UNC79: variants seen among roughly 807,000 people sequenced by gnomAD.
The protein encoded by UNC79 is unc-79 subunit of NALCN channel complex.
A neutral mutation model predicts 283.1 loss-of-function variants in UNC79; 37 were observed. The ratio of observed to expected loss-of-function variants is 0.13; its 90% CI spans 0.10 to 0.17. The LOEUF is 0.17. UNC79 is among the 10% of genes least tolerant of loss of function. The pLI is 1.00. For synonymous variants in UNC79, 1,107 were observed against 1,200.2 expected, an observed-to-expected ratio of 0.92 and a Z score of 1.61; for missense variants, 2,272 against 3,211.1, an observed-to-expected ratio of 0.71 and a Z score of 7.07.
At chr14:93,432,456 A>G (rs375163445) in intron 1 of UNC79, among the ~76,000 whole-genome samples, 24 of 152,330 alleles carry the variant, frequency 1.6e-4, no homozygotes, top group East Asian at 1.2e-3. Context: ...GTTGTGGGGA[A>G]TGAGAGAATA....
chr14:93,639,926 G>A (rs1332419068), intron 32 of UNC79, among the ~76,000 whole-genome samples: 1 of 152,104 alleles, frequency 6.6e-6, no homozygotes, highest in Non-Finnish European at 1.5e-5. Flanking sequence ...TTGTTTGCTT[G>A]TTTGTTTTCT....
chr14:93,460,978 C>G (rs1481984582), intron 1 of UNC79, among the ~76,000 whole-genome samples: 1 of 152,178 alleles, frequency 6.6e-6, no homozygotes, highest in Non-Finnish European at 1.5e-5. Context: ...TTACGATTCT[C>G]TTACATAAAG....
At chr14:93,600,492 T>A in intron 24 of UNC79, 77 bp from the exon 25 acceptor site, 1 of 1,026,776 alleles carries the variant, frequency 9.7e-7, no homozygotes, top group Non-Finnish European at 1.4e-6. Context: ...CTTTGCCTAG[T>A]ATATCGGCTT....
Position 93,617,334 on chromosome 14 carries a change from T to A in UNC79, c.4224+30T>A. On this transcript the variant is annotated intron_variant, in intron 28 of 48. Transcript: ENST00000555664. The surrounding 1 kb of genome is among the most constrained non-coding windows in gnomAD (Gnocchi z 4.5). ...GCTGGGTGGTCACTGCTGTTTTGGATGCAATGGTTCTCTTAGAGAGCATAT... is the reference window on the plus strand; with the variant it reads ...GCTGGGTGGTCACTGCTGTTTTGGAAGCAATGGTTCTCTTAGAGAGCATAT... The A allele has an allele frequency of 6.2e-7, 1 of 1,610,572 alleles. No homozygotes were observed.
chr14:93,463,090 G>C (rs1453828246), intron 1 of UNC79, among the ~76,000 whole-genome samples: 2 of 152,092 alleles, frequency 1.3e-5, no homozygotes, highest in East Asian at 3.9e-4. Flanking sequence ...TCAACTAATA[G>C]GGGGAAGTGG....
At chr14:93,704,379 G>A (rs879330899) in intron 47 of UNC79, among the ~76,000 whole-genome samples, 1 of 152,178 alleles carries the variant, frequency 6.6e-6, no homozygotes, top group Non-Finnish European at 1.5e-5. Context: ...GAGACAATCA[G>A]TCATTTACTC....
chr14:93,344,959 A>G (rs1324133721), intron 1 of UNC79, among the ~76,000 whole-genome samples: 1 of 152,160 alleles, frequency 6.6e-6, no homozygotes. Context: ...ACATTTTGGG[A>G]GGCCGAGGCA....
intron 13 of UNC79, among the ~76,000 whole-genome samples, chr14:93,542,004 CAA>C (rs745650977): frequency 0.11 from 6,636 of 59,110 alleles, 63 homozygotes; most frequent in Middle Eastern, 0.21. Context: ...GACTCCATCT[CAA>C]AAAAAAAAAA....
rs376864058 is a variant in UNC79 at position 93,571,283 on chromosome 14, G to A, written c.1756-611G>A. Among the ~76,000 whole-genome samples the A allele has an allele frequency of 3.7e-4, 56 of 152,274 alleles. 1 individual carries two copies. In the South Asian group the frequency reaches 7.5e-3, roughly 20 times the overall value. On this transcript the variant is annotated intron_variant, in intron 14 of 48. Coordinates refer to ENST00000555664, the Ensembl canonical transcript of UNC79. Reference sequence around the variant, plus strand: ...ATAAACAACCTAAGTTTGTAAATTCGTGATTTTAACTTTTTCCTGCTCTTA... The same window carrying A: ...ATAAACAACCTAAGTTTGTAAATTCATGATTTTAACTTTTTCCTGCTCTTA...
chr14:93,670,102 TTC>T (rs200886551), intron 40 of UNC79, among the ~76,000 whole-genome samples: 3,299 of 152,326 alleles, frequency 0.022, 50 homozygotes, highest in Admixed American at 0.03. Flanking sequence ...TCGGTCCATC[TTC>T]TGAGACTGGA....
exon 24 of UNC79, chr14:93,597,478 A>C: frequency 6.2e-7 from 1 of 1,614,144 alleles, no homozygotes; most frequent in Non-Finnish European, 8.5e-7. Flanking sequence ...GGAGGATGTC[A>C]ACCCCGCAGT....
chr14:93,572,376 G>A (rs545007228), intron 15 of UNC79, among the ~76,000 whole-genome samples: 1 of 152,304 alleles, frequency 6.6e-6, no homozygotes, highest in African/African-American at 2.4e-5. Context: ...GGATGTGGTG[G>A]AAAAGTGCAA....
intron 26 of UNC79, among the ~76,000 whole-genome samples, chr14:93,608,665 A>T (rs1328181759): frequency 6.6e-6 from 1 of 152,218 alleles, no homozygotes; most frequent in Non-Finnish European, 1.5e-5. Context: ...GACCAAGTGC[A>T]GAGTAAGCTC....
intron 1 of UNC79, among the ~76,000 whole-genome samples, chr14:93,395,830 CT>C (rs1269028896): frequency 6.6e-6 from 1 of 151,916 alleles, no homozygotes; most frequent in Non-Finnish European, 1.5e-5. Flanking sequence ...GGCTTTCAAC[CT>C]TTTTTTCTTT....
intron 5 of UNC79, among the ~76,000 whole-genome samples, chr14:93,488,904 G>C (rs1211902573): frequency 6.6e-6 from 1 of 152,164 alleles, no homozygotes; most frequent in Non-Finnish European, 1.5e-5. Context: ...CCCCAACTCT[G>C]AATACCATCA....
In UNC79 at chr14:93,347,309, A is replaced by G. The variant is rs767493650; in HGVS notation, c.-351+13786A>G. 3.7e-6 allele frequency: 6 copies of G among 1,605,532 alleles called. No homozygotes were observed. The Admixed American group carries it at 8.4e-5, about 22-fold the overall frequency. On this transcript the variant is annotated intron_variant, in intron 1 of 49. Transcript: ENST00000256339. ...GGGCGCTGTCCTGCCCGCCGCCACT[A>G]CCGCCGCTTGGCCCTGCTCGGCCTG...
At chr14:93,467,576 T>A in intron 1 of UNC79, 95 bp from the exon 2 acceptor site, 1 of 1,182,742 alleles carries the variant, frequency 8.5e-7, no homozygotes. Context: ...TAAAAATGAC[T>A]GTATGCCTAA....
intron 48 of UNC79, 145 bp from the exon 52 acceptor site, chr14:93,706,559 T>A: frequency 7.1e-6 from 6 of 843,572 alleles, no homozygotes; most frequent in Non-Finnish European, 1.1e-5. Flanking sequence ...CCCTGGGCAC[T>A]GCCAGAGTAG....
chr14:93,523,471 A>C (rs1244623378), intron 7 of UNC79, among the ~76,000 whole-genome samples: 1 of 152,170 alleles, frequency 6.6e-6, no homozygotes, highest in Non-Finnish European at 1.5e-5. Context: ...TATCAATTTA[A>C]AACGCTTACT....
Sources: allele counts gnomAD v4.1 joint callset (sites outside exome capture counted in the v4.1 genomes callset), GRCh38; gene constraint gnomAD v4.1.1; non-coding constraint Gnocchi (gnomAD v3.1); transcripts MANE v1.5; gene names NCBI Gene and HGNC (gene_info 2026-07-23, HGNC 2026-07-21).